The following NSD3 variants were observed in gnomAD, a reference collection of about 807,000 sequenced individuals.
The protein encoded by NSD3 is histone-lysine N-methyltransferase NSD3.
NSD3 carries 24 observed loss-of-function variants against 160.8 expected under a neutral mutation model. The observed-to-expected ratio is 0.15, with a 90% CI of 0.11 to 0.21. The LOEUF (loss-of-function observed/expected upper bound fraction) is 0.21. Ranked by LOEUF, NSD3 falls within the 10% of genes least tolerant of loss-of-function variation. The probability of loss-of-function intolerance (pLI) is 1.00; values close to 1 mark genes in which losing one functional copy is unlikely to be tolerated. For missense variants in NSD3, 1,157 were observed against 1,735.9 expected, an observed-to-expected ratio of 0.67 and a Z score of 5.93; for synonymous variants, 520 against 600.0, an observed-to-expected ratio of 0.87 and a Z score of 1.95.
At position 38,288,868 on chromosome 8, in the gene NSD3, G is replaced by C. The variant is rs972396441; in HGVS notation, c.3232-112C>G. On this transcript the variant is annotated intron_variant, in intron 18 of 23. Coordinates refer to ENST00000317025, the MANE Select transcript of NSD3 (RefSeq NM_023034.2). The surrounding 1 kb of genome is among the most constrained non-coding windows in gnomAD (Gnocchi z 4.5). ...TGCCTCGTGGTGCTACTCCGAGAAAGGTTGTCTTTCCTGATGAATAAGCTG... is the reference window on the plus strand; with the variant it reads ...TGCCTCGTGGTGCTACTCCGAGAAACGTTGTCTTTCCTGATGAATAAGCTG... The C allele has an allele frequency of 7.3e-7, 1 of 1,366,162 alleles. No individual in the cohort carries two copies. Among genetic ancestry groups the C allele is most frequent in the Non-Finnish European group, 9.9e-7 (1 of 1,009,256 alleles). The allele number at this position is 1,366,162 out of a possible 1,614,324, so 84.6% of individuals were successfully genotyped here. A position where few individuals can be genotyped will look rare whatever the true frequency, so the allele number is the denominator to read the frequency against.
At chr8:38,304,484 C>T (rs1809348948) in intron 14 of NSD3, 103 bp downstream of exon 14, 5 of 1,178,186 alleles carry the variant, frequency 4.2e-6, no homozygotes, top group Non-Finnish European at 6.0e-6. Flanking sequence ...GTAGGAGATT[C>T]TACTAGATGG....
At position 38,316,187 on chromosome 8, in the gene NSD3, G is replaced by A. The variant is rs1809658836; in HGVS notation, c.1856-145C>T. ...TCTCTTTGTAACACTGAAATAATGA[G>A]TCAAAACTTCAGAACTTCTGACCTT... On this transcript the variant is annotated intron_variant, in intron 9 of 23. Coordinates refer to ENST00000317025, the MANE Select transcript of NSD3 (RefSeq NM_023034.2). This position sits in a 1 kb window ranked among gnomAD's most constrained non-coding sequence, Gnocchi z 4.5. 4.0e-6 allele frequency: 5 copies of A among 1,254,890 alleles called. No individual in the cohort carries two copies. Among genetic ancestry groups the A allele is most frequent in the African/African-American group, 3.0e-5 (2 of 66,140 alleles). 77.7% of individuals were successfully genotyped at this position (1,254,890 alleles called of 1,614,324 possible). A position where few individuals can be genotyped will look rare whatever the true frequency, so the allele number is the denominator to read the frequency against.
At chr8:38,277,695 G>C (rs1204987784) in intron 22 of NSD3, among the ~76,000 whole-genome samples, 2 of 152,184 alleles carry the variant, frequency 1.3e-5, no homozygotes, top group Non-Finnish European at 2.9e-5. Flanking sequence ...ATTTTAAAGT[G>C]TATAATTCAG....
At chr8:38,290,976 T>G (rs1808987110) in intron 16 of NSD3, among the ~76,000 whole-genome samples, 1 of 152,168 alleles carries the variant, frequency 6.6e-6, no homozygotes, top group Non-Finnish European at 1.5e-5. Flanking sequence ...CCAATGATAT[T>G]CCAAACCTAA....
chr8:38,277,424 C>T (rs144474851), intron 22 of NSD3, among the ~76,000 whole-genome samples: 12 of 152,220 alleles, frequency 7.9e-5, no homozygotes, highest in African/African-American at 2.4e-4. Context: ...ATTACAGGTG[C>T]GTGCCACCAC....
intron 2 of NSD3, among the ~76,000 whole-genome samples, chr8:38,339,931 C>A (rs1206468278): frequency 1.3e-5 from 2 of 152,014 alleles, no homozygotes; most frequent in Non-Finnish European, 2.9e-5. Flanking sequence ...TGCATGTCTA[C>A]CAATATCTTC....
chr8:38,376,775 T>C (rs970307629), intron 1 of NSD3, among the ~76,000 whole-genome samples: 1 of 152,150 alleles, frequency 6.6e-6, no homozygotes, highest in Admixed American at 6.5e-5. Context: ...TAGGTTGTGC[T>C]GTAAAGAACC....
chr8:38,305,012 C>T (rs1000275234), intron 13 of NSD3, among the ~76,000 whole-genome samples: 1 of 152,134 alleles, frequency 6.6e-6, no homozygotes, highest in African/African-American at 2.4e-5. Context: ...TCCAATATGG[C>T]ACCTACCTGA....
At chr8:38,294,180 C>T (rs1336868602) in intron 16 of NSD3, among the ~76,000 whole-genome samples, 1 of 152,080 alleles carries the variant, frequency 6.6e-6, no homozygotes, top group Admixed American at 6.6e-5. Flanking sequence ...GCCTTAACCT[C>T]CTGGGCTCCA....
Position 38,321,195 on chromosome 8 carries a change from A to C in NSD3, c.1709-23T>G, listed in dbSNP as rs750214767. ...AGCCTAAGAAATGATTTAAACACAC[A>C]AACAAAAACTCACTTAAGGATACCT... On this transcript the variant is annotated intron_variant, in intron 7 of 23. Transcript: ENST00000317025. This position sits in a 1 kb window ranked among gnomAD's most constrained non-coding sequence, Gnocchi z 4.7. 5.6e-6 allele frequency: 9 copies of C among 1,595,288 alleles called. No homozygotes were observed. In the East Asian group the frequency reaches 2.0e-4, roughly 36 times the overall value.
intron 10 of NSD3, 114 bp downstream of exon 10, chr8:38,315,798 A>G (rs1396979694): frequency 2.8e-6 from 4 of 1,445,972 alleles, no homozygotes; most frequent in Non-Finnish European, 3.7e-6. Flanking sequence ...CAAAATAAAC[A>G]AAGTGATTTT....
At position 38,347,664 on chromosome 8, in the gene NSD3, A is replaced by C; in HGVS notation, c.508T>G (p.Ser170Ala). The part of the protein sequence containing the change: ...TIQNGRELFE[S>A]SLCGDLLNEV... Reference sequence around the variant, plus strand: ...TTTAAAAGGTCTCCACAAAGGGAAGACTCAAACAATTCCCTGCCATTCTGG... The same window carrying C: ...TTTAAAAGGTCTCCACAAAGGGAAGCCTCAAACAATTCCCTGCCATTCTGG... Residue 170 changes from serine (S) to alanine (A), a missense_variant, in exon 2 of 24, where the codon TCT (serine) becomes GCT (alanine). This residue lies in a region of NSD3 where 4 missense variants were observed against 28.4 expected (regional missense o/e 0.14). Coordinates refer to ENST00000317025, the MANE Select transcript of NSD3 (RefSeq NM_023034.2). 1 of 1,613,288 alleles carries C rather than the reference A, an allele frequency of 6.2e-7. No homozygotes were observed. The highest frequency in any genetic ancestry group is 8.5e-7 in the Non-Finnish European group (1 of 1,180,028).
chr8:38,330,429 CA>C (rs1240951718), intron 5 of NSD3, among the ~76,000 whole-genome samples: 2 of 152,058 alleles, frequency 1.3e-5, no homozygotes, highest in Admixed American at 6.6e-5. Context: ...CAAAGGAGAA[CA>C]GGCATGGATG....
At chr8:38,296,054 T>C (rs1249672574) in intron 15 of NSD3, 102 bp from the exon 16 acceptor site, 2 of 1,222,492 alleles carry the variant, frequency 1.6e-6, no homozygotes, top group Middle Eastern at 2.3e-4. Context: ...TTGTTTCAAA[T>C]TGGGGGAAAA....
rs772731136 is a variant in NSD3, at chr8:38,275,192, C to T, written c.*449G>A. The T allele has an allele frequency of 4.1e-6, 1 of 244,188 alleles. No individual in the cohort carries two copies. The highest frequency in any genetic ancestry group is 8.0e-6 in the Non-Finnish European group (1 of 125,364). The allele number at this position is 244,188 out of a possible 1,614,324, so 15.1% of individuals were successfully genotyped here. A position where few individuals can be genotyped will look rare whatever the true frequency, so the allele number is the denominator to read the frequency against. ...TTCTCAGATTCCTACTTAAAACACA[C>T]ACACACTTGATTAGACTATTGAACT... On this transcript the variant is annotated 3_prime_UTR_variant, in exon 24 of 24. Transcript: ENST00000317025.
intron 16 of NSD3, among the ~76,000 whole-genome samples, chr8:38,294,589 C>T (rs761198605): frequency 3.9e-5 from 6 of 152,026 alleles, no homozygotes; most frequent in East Asian, 1.9e-4. Context: ...CTAAAATGGA[C>T]GAGATTCAGG....
intron 1 of NSD3, among the ~76,000 whole-genome samples, chr8:38,364,286 C>T (rs1246593706): frequency 6.7e-6 from 1 of 148,758 alleles, no homozygotes; most frequent in African/African-American, 2.4e-5. Context: ...CAAACAACAA[C>T]AACAACAACA....
chr8:38,293,846 C>G (rs1283922898), intron 16 of NSD3, among the ~76,000 whole-genome samples: 2 of 137,006 alleles, frequency 1.5e-5, no homozygotes, highest in East Asian at 4.7e-4. Flanking sequence ...TCGCTTGAAC[C>G]TGGGAGGTGG....
intron 12 of NSD3, among the ~76,000 whole-genome samples, chr8:38,310,526 A>C (rs1308312895): frequency 5.3e-5 from 8 of 150,792 alleles, no homozygotes; most frequent in Admixed American, 1.3e-4. Context: ...TTTTTTTTTG[A>C]GAGAGAGTCT....
Sources: gnomAD v4.1 joint callset for allele counts (sites outside exome capture counted in the v4.1 genomes callset) on GRCh38, gnomAD v4.1.1 for gene constraint, gnomAD v4.1.1 regional missense constraint, Gnocchi (gnomAD v3.1) non-coding constraint, MANE v1.5 for transcripts, NCBI Gene and HGNC (gene_info 2026-07-23, HGNC 2026-07-21) for gene names.